SMAD3: variants seen among roughly 807,000 people sequenced by gnomAD.
The protein encoded by SMAD3 is MAD homolog 3.
In SMAD3, 12 loss-of-function variants were observed where a neutral mutation model predicts 51.8. The ratio of observed to expected loss-of-function variants is 0.23; its 90% CI spans 0.15 to 0.38. SMAD3 has a LOEUF of 0.38. Ranked by LOEUF, SMAD3 falls within the 10% of genes least tolerant of loss-of-function variation. The pLI, the probability that SMAD3 is intolerant of heterozygous loss-of-function variation, is 1.00. For synonymous variants in SMAD3, 238 were observed against 227.7 expected (o/e 1.05, Z -0.41); for missense variants, 294 against 565.6 (o/e 0.52, Z 4.87).
chr15:67,101,161 G>A (rs565590167), intron 1 of SMAD3, among the ~76,000 whole-genome samples: 2 of 152,320 alleles, frequency 1.3e-5, no homozygotes, highest in African/African-American at 2.4e-5. Context: ...GGCAGTTAGC[G>A]AAAGGGACTA....
chr15:67,102,624 C>T (rs1237140821), intron 1 of SMAD3, among the ~76,000 whole-genome samples: 3 of 151,592 alleles, frequency 2.0e-5, no homozygotes, highest in Non-Finnish European at 1.5e-5. Flanking sequence ...GGAGCAAGAC[C>T]ATCCAATGTA....
chr15:67,084,787 A>G (rs1034935617), intron 1 of SMAD3, among the ~76,000 whole-genome samples: 2 of 152,216 alleles, frequency 1.3e-5, no homozygotes, highest in Non-Finnish European at 2.9e-5. Flanking sequence ...CTGTGCTTCT[A>G]GGCACCGGCT....
At chr15:67,120,419 C>T (rs1201018303) in intron 1 of SMAD3, among the ~76,000 whole-genome samples, 1 of 152,118 alleles carries the variant, frequency 6.6e-6, no homozygotes, top group African/African-American at 2.4e-5. Context: ...TTTAAAACCC[C>T]CTGTATGTAT....
chr15:67,125,587 G>A, intron 1 of SMAD3: 1 of 440,718 alleles, frequency 2.3e-6, no homozygotes, highest in Non-Finnish European at 3.0e-6. Context: ...CACTTTAATA[G>A]CTTAACAGAG....
intron 1 of SMAD3, among the ~76,000 whole-genome samples, chr15:67,081,380 T>G (rs1459690695): frequency 6.6e-6 from 1 of 152,178 alleles, no homozygotes; most frequent in Non-Finnish European, 1.5e-5. Flanking sequence ...CCAGCCTCCC[T>G]TCCCCAGCTG....
intron 1 of SMAD3, among the ~76,000 whole-genome samples, chr15:67,144,262 T>C (rs1268347688): frequency 1.3e-5 from 2 of 152,296 alleles, no homozygotes; most frequent in Non-Finnish European, 2.9e-5. Flanking sequence ...ATGTATGACT[T>C]TTGTCTGATT....
intron 1 of SMAD3, among the ~76,000 whole-genome samples, chr15:67,132,777 A>G (rs543297002): frequency 1.3e-5 from 2 of 152,254 alleles, no homozygotes; most frequent in Admixed American, 6.5e-5. Context: ...TAAATGGATG[A>G]CAGGCTTTTT....
intron 1 of SMAD3, among the ~76,000 whole-genome samples, chr15:67,071,486 G>C (rs1415899053): frequency 6.6e-6 from 1 of 152,156 alleles, no homozygotes; most frequent in Non-Finnish European, 1.5e-5. Context: ...AGATGTATCA[G>C]CTCAGAATAT....
chr15:67,183,513 G>A (rs1296631159), intron 6 of SMAD3, among the ~76,000 whole-genome samples: 1 of 152,140 alleles, frequency 6.6e-6, no homozygotes, highest in African/African-American at 2.4e-5. Flanking sequence ...CAGAAAAAAT[G>A]GGGAGTGGTT....
intron 1 of SMAD3, among the ~76,000 whole-genome samples, chr15:67,067,291 G>C (rs1220978481): frequency 6.6e-6 from 1 of 152,214 alleles, no homozygotes; most frequent in Non-Finnish European, 1.5e-5. Flanking sequence ...GGTCGGGCGG[G>C]AGCCCACAGA....
rs184064244 is a variant in SMAD3 at position 67,176,509 on chromosome 15, A to T, written c.659-4732A>T. ...TTTGCCCGTTCCTTGCTTTCGATTT[A>T]TAGGAGAAAGTTAATTTCCCCCCTT... On this transcript the variant is annotated intron_variant, in intron 5 of 8. Coordinates refer to ENST00000327367, the MANE Select transcript of SMAD3 (RefSeq NM_005902.4). Among the ~76,000 whole-genome samples the T allele has an allele frequency of 6.6e-4, 100 of 152,324 alleles. 1 individual carries two copies. Among genetic ancestry groups the T allele is most frequent in the Middle Eastern group, 3.4e-3 (1 of 294 alleles).
intron 8 of SMAD3, among the ~76,000 whole-genome samples, chr15:67,188,148 C>CTTT (rs11367565): frequency 4.3e-5 from 5 of 116,002 alleles, no homozygotes; most frequent in East Asian, 2.9e-4. Context: ...TTTTCTTTTT[C>CTTT]TTTTTTTTTT....
chr15:67,162,529 C>T (rs927383015), intron 1 of SMAD3, among the ~76,000 whole-genome samples: 1 of 152,164 alleles, frequency 6.6e-6, no homozygotes, highest in Non-Finnish European at 1.5e-5. Context: ...GCACAGCCCA[C>T]TTACACATCT....
chr15:67,144,267 C>T (rs1036407157), intron 1 of SMAD3, among the ~76,000 whole-genome samples: 2 of 151,876 alleles, frequency 1.3e-5, no homozygotes, highest in African/African-American at 4.8e-5. Flanking sequence ...TGACTTTTGT[C>T]TGATTTTTTT....
chr15:67,102,480 A>G (rs1960782836), intron 1 of SMAD3, among the ~76,000 whole-genome samples: 1 of 152,210 alleles, frequency 6.6e-6, no homozygotes. Context: ...GCCTTCCACC[A>G]CATTCTTTTG....
At position 67,137,328 on chromosome 15, in the gene SMAD3, G is replaced by A. The variant is rs1378030396; in HGVS notation, c.207-27567G>A. Among the ~76,000 whole-genome samples, 5 of 152,192 alleles carry A rather than the reference G, an allele frequency of 3.3e-5. No individual in the cohort carries two copies. In the East Asian group the frequency reaches 9.6e-4, roughly 29 times the overall value. On this transcript the variant is annotated intron_variant, in intron 1 of 8. Transcript: ENST00000327367. ...GCCATTTTCTGTGTACCAATATGAA[G>A]CTGTTCCTTCATAAGTTCTTCCTTT...
chr15:67,169,830 C>G (rs987096495), intron 4 of SMAD3, among the ~76,000 whole-genome samples: 2 of 151,266 alleles, frequency 1.3e-5, no homozygotes, highest in African/African-American at 4.9e-5. Context: ...GAAAAGTGTC[C>G]ACTGTTTTAT....
intron 1 of SMAD3, among the ~76,000 whole-genome samples, chr15:67,142,201 C>CCCCA (rs1555410244): frequency 1.3e-5 from 2 of 149,750 alleles, no homozygotes; most frequent in Non-Finnish European, 3.0e-5. Flanking sequence ...CTCCCCACAC[C>CCCCA]CCCCCCACCA....
Position 67,136,474 on chromosome 15 carries a change from C to T in SMAD3, c.207-28421C>T, listed in dbSNP as rs533017154. On this transcript the variant is annotated intron_variant, in intron 1 of 8. Transcript: ENST00000327367. ...CCTCCTGAGTAGCTGGTATTACAGG[C>T]GTGCACCACCACACCTGGCTAATTT... Among the ~76,000 whole-genome samples the T allele has an allele frequency of 2.3e-3, 350 of 152,188 alleles. 1 individual carries two copies. The highest frequency in any genetic ancestry group is 3.6e-3 in the Non-Finnish European group (247 of 68,020).
Sources: allele counts gnomAD v4.1 joint callset (sites outside exome capture counted in the v4.1 genomes callset), GRCh38; gene constraint gnomAD v4.1.1; transcripts MANE v1.5; gene names NCBI Gene and HGNC (gene_info 2026-07-23, HGNC 2026-07-21).